SCAPER: variants seen among roughly 807,000 people sequenced by gnomAD.
SCAPER encodes S-phase cyclin A associated protein in the ER.
Under a neutral mutation model 182.2 loss-of-function variants are expected in SCAPER, and 98 were observed. That is an observed-to-expected ratio of 0.54 (90% confidence interval 0.46 to 0.64). The LOEUF is 0.64. SCAPER is among the 30% of genes least tolerant of loss of function. The probability of loss-of-function intolerance (pLI) is 0.00; values close to 1 mark genes in which losing one functional copy is unlikely to be tolerated. For missense variants in SCAPER, 1,432 were observed against 1,690.0 expected (o/e 0.85, Z 2.68); for synonymous variants, 605 against 564.6 (o/e 1.07, Z -1.01).
In SCAPER at chr15:76,471,398, A is replaced by G. The variant is rs563428990; in HGVS notation, c.2955-63T>C. On this transcript the variant is annotated intron_variant, in intron 24 of 31. Coordinates refer to ENST00000563290, the MANE Select transcript of SCAPER (RefSeq NM_020843.4). The stretch of plus-strand genomic sequence containing the variant: ...GCAGCTCTTCTTTAAACAATTAAAA[A>G]TACATAAAATGAATGGTATGAAAGC... 2.1e-5 allele frequency: 31 copies of G among 1,503,016 alleles called. No homozygotes were observed. The South Asian group carries it at 3.7e-4, about 18-fold the overall frequency. The allele number at this position is 1,503,016 out of a possible 1,614,324, so 93.1% of individuals were successfully genotyped here. A position where few individuals can be genotyped will look rare whatever the true frequency, so the allele number is the denominator to read the frequency against.
intron 1 of SCAPER, among the ~76,000 whole-genome samples, chr15:76,892,271 T>C (rs1286016943): frequency 6.6e-6 from 1 of 152,130 alleles, no homozygotes; most frequent in East Asian, 1.9e-4. Context: ...GGGCAAAGAC[T>C]TCATGACTAA....
intron 23 of SCAPER, chr15:76,567,469 A>C (rs1279810259): frequency 2.8e-6 from 1 of 362,172 alleles, no homozygotes; most frequent in African/African-American, 2.1e-5. Context: ...TGTTTGCTAC[A>C]TGGTAGGCTC....
At chr15:76,695,160 C>T (rs907333606) in intron 20 of SCAPER, among the ~76,000 whole-genome samples, 1 of 152,124 alleles carries the variant, frequency 6.6e-6, no homozygotes, top group African/African-American at 2.4e-5. Flanking sequence ...ACTAGTGTAA[C>T]TCTAAGGTCA....
chr15:76,434,395 T>G, intron 25 of SCAPER, 85 bp from the exon 26 acceptor site: 1 of 962,984 alleles, frequency 1.0e-6, no homozygotes. Context: ...TCTGGAATCA[T>G]AAGTAATTTT....
chr15:76,767,738 A>G (rs1256631813), intron 10 of SCAPER, among the ~76,000 whole-genome samples: 1 of 152,200 alleles, frequency 6.6e-6, no homozygotes, highest in Non-Finnish European at 1.5e-5. Context: ...CAGAGAAAAC[A>G]AATAGTAAAA....
At chr15:76,358,506 G>A (rs568203228) in intron 29 of SCAPER, among the ~76,000 whole-genome samples, 1 of 152,334 alleles carries the variant, frequency 6.6e-6, no homozygotes, top group Non-Finnish European at 1.5e-5. Context: ...CCAGCATGGT[G>A]GGGCTGGTGA....
intron 29 of SCAPER, among the ~76,000 whole-genome samples, chr15:76,366,762 G>A (rs1465855190): frequency 1.3e-5 from 2 of 152,146 alleles, no homozygotes; most frequent in South Asian, 4.1e-4. Context: ...GGTGGTGAGT[G>A]GAGATTCTCC....
At chr15:76,490,493 AGTT>A (rs2052185975) in intron 24 of SCAPER, among the ~76,000 whole-genome samples, 1 of 152,100 alleles carries the variant, frequency 6.6e-6, no homozygotes, top group Non-Finnish European at 1.5e-5. Context: ...TTTTTAATTA[AGTT>A]GTTAATATTT....
At chr15:76,543,850 T>C (rs776586116) in intron 23 of SCAPER, among the ~76,000 whole-genome samples, 1 of 152,130 alleles carries the variant, frequency 6.6e-6, no homozygotes, top group Non-Finnish European at 1.5e-5. Flanking sequence ...CTGACCTTTA[T>C]CAAAATTAAA....
At chr15:76,401,673 C>T (rs769451206) in intron 27 of SCAPER, among the ~76,000 whole-genome samples, 2 of 152,160 alleles carry the variant, frequency 1.3e-5, no homozygotes, top group Non-Finnish European at 2.9e-5. Context: ...CACATTTACC[C>T]AATTGCACAG....
intron 29 of SCAPER, among the ~76,000 whole-genome samples, chr15:76,359,923 G>T (rs997114314): frequency 2.6e-5 from 4 of 152,170 alleles, no homozygotes; most frequent in Non-Finnish European, 5.9e-5. Context: ...TTGACTTGGG[G>T]TAGAATCATA....
intron 25 of SCAPER, among the ~76,000 whole-genome samples, chr15:76,459,412 G>C (rs1052165372): frequency 6.6e-6 from 1 of 152,048 alleles, no homozygotes; most frequent in Non-Finnish European, 1.5e-5. Flanking sequence ...ACATCTCATT[G>C]TGATTTTGAT....
intron 23 of SCAPER, among the ~76,000 whole-genome samples, chr15:76,517,189 TC>T (rs2042493770): frequency 6.6e-6 from 1 of 152,002 alleles, no homozygotes; most frequent in African/African-American, 2.4e-5. Flanking sequence ...ATTTATAAAA[TC>T]TTGGGCTACT....
At position 76,399,241 on chromosome 15, in the gene SCAPER, A is replaced by G. The variant is rs550144585; in HGVS notation, c.3467+5283T>C. On this transcript the variant is annotated intron_variant, in intron 27 of 31. Coordinates refer to ENST00000563290, the MANE Select transcript of SCAPER (RefSeq NM_020843.4). ...CAACCTCCGCCTCCTGGGTTCAAGCAATTCTCCTGCCTCAGCCTCCCAAAC... is the reference window on the plus strand; with the variant it reads ...CAACCTCCGCCTCCTGGGTTCAAGCGATTCTCCTGCCTCAGCCTCCCAAAC... 2.0e-5 allele frequency among the ~76,000 whole-genome samples: 3 copies of G among 152,106 alleles called. No homozygotes were observed. In the East Asian group the frequency reaches 5.8e-4, roughly 29 times the overall value.
intron 1 of SCAPER, among the ~76,000 whole-genome samples, chr15:76,887,992 TATTTGCTGTTCTGCAGC>T (rs1461475915): frequency 1.3e-5 from 2 of 152,236 alleles, no homozygotes; most frequent in African/African-American, 4.8e-5. Flanking sequence ...TGTTCTGCAA[TATTTGCTGTTCTGCAGC>T]CTCTGCTGGT....
intron 21 of SCAPER, among the ~76,000 whole-genome samples, chr15:76,660,635 C>T (rs965257292): frequency 6.6e-6 from 1 of 152,046 alleles, no homozygotes. Context: ...CAAAAACAAA[C>T]TACAGTTAAC....
intron 5 of SCAPER, among the ~76,000 whole-genome samples, chr15:76,819,610 G>C (rs2067360253): frequency 6.6e-6 from 1 of 152,068 alleles, no homozygotes; most frequent in Non-Finnish European, 1.5e-5. Context: ...AAAGACCAAA[G>C]GTAGATAAAC....
intron 26 of SCAPER, among the ~76,000 whole-genome samples, chr15:76,418,217 T>G (rs752023295): frequency 6.6e-6 from 1 of 152,144 alleles, no homozygotes; most frequent in Non-Finnish European, 1.5e-5. Context: ...TGTGGAACAT[T>G]AAAGCCCAGG....
In SCAPER at chr15:76,659,495, C is replaced by T. The variant is rs558053905; in HGVS notation, c.2645+6158G>A. 3.9e-5 allele frequency among the ~76,000 whole-genome samples: 6 copies of T among 152,328 alleles called. 1 individual carries two copies. Among genetic ancestry groups the T allele is most frequent in the African/African-American group, 1.4e-4 (6 of 41,576 alleles). ...ATATTGTCCAGGCTGATGTCAAACTCCTGGCCTAAAACAATCCTCCTGCCA... is the reference window on the plus strand; with the variant it reads ...ATATTGTCCAGGCTGATGTCAAACTTCTGGCCTAAAACAATCCTCCTGCCA... On this transcript the variant is annotated intron_variant, in intron 21 of 31. Coordinates refer to ENST00000563290, the MANE Select transcript of SCAPER (RefSeq NM_020843.4).
Sources: allele counts gnomAD v4.1 joint callset (sites outside exome capture counted in the v4.1 genomes callset), GRCh38; gene constraint gnomAD v4.1.1; transcripts MANE v1.5; gene names NCBI Gene and HGNC (gene_info 2026-07-23, HGNC 2026-07-21).